The following MXRA7 variants were observed in gnomAD, a reference collection of about 807,000 sequenced individuals.
The protein encoded by MXRA7 is matrix remodeling associated 7.
MXRA7 carries 18 observed loss-of-function variants against 17.4 expected under a neutral mutation model. That is an observed-to-expected ratio of 1.03 (90% CI 0.71 to 1.53). MXRA7 has a LOEUF of 1.53. Among genes scored for constraint, MXRA7 ranks in the 40% most tolerant of loss-of-function variants. The pLI is 0.00. For missense variants in MXRA7, 141 were observed against 209.3 expected, an observed-to-expected ratio of 0.67 and a Z score of 2.01; for synonymous variants, 70 against 101.7, an observed-to-expected ratio of 0.69 and a Z score of 1.87.
rs2076711825 is a variant in MXRA7 at position 76,710,714 on chromosome 17, G to C, written c.233C>G (p.Ala78Gly). Residue 78 changes from alanine to glycine, a missense_variant, in exon 1 of 4, where the codon GCG becomes GGG. Ala to Gly is a moderately conservative substitution (Grantham distance 60). Coordinates refer to ENST00000449428, the MANE Select transcript of MXRA7 (RefSeq NM_198530.4). ...PAGPEEPGEP[A>G]GLGELGEPAG... ...AGGCTCCCCGAGCTCCCCCAGCCCCGCGGGCTCTCCAGGCTCCTCCGGCCC... is the reference window on the plus strand; with the variant it reads ...AGGCTCCCCGAGCTCCCCCAGCCCCCCGGGCTCTCCAGGCTCCTCCGGCCC... 8.4e-7 allele frequency: 1 copy of C among 1,190,804 alleles called. No individual in the cohort carries two copies. Among genetic ancestry groups the C allele is most frequent in the Non-Finnish European group, 1.1e-6 (1 of 950,754 alleles). The allele number at this position is 1,190,804 out of a possible 1,614,324, so 73.8% of individuals were successfully genotyped here.
downstream of MXRA7, chr17:76,674,731 G>C (rs1298784866): frequency 1.3e-5 from 2 of 152,274 alleles, no homozygotes; most frequent in East Asian, 3.8e-4. Context: ...CAGGGGTCTA[G>C]GCCAATCATG....
At position 76,681,175 on chromosome 17, in the gene MXRA7, T is replaced by G. The variant is rs141228477; in HGVS notation, c.501-296A>C. ...GTACTTAAGGAAGGAACTTGGGCAT[T>G]TGAGTTGCCAAGGGCCTTTCTGATC... On this transcript the variant is annotated intron_variant, in intron 3 of 3. Coordinates refer to ENST00000449428, the MANE Select transcript of MXRA7 (RefSeq NM_198530.4). The surrounding 1 kb of genome is among the most constrained non-coding windows in gnomAD (Gnocchi z 4.7). Among the ~76,000 whole-genome samples, 17 of 152,306 alleles carry G rather than the reference T, an allele frequency of 1.1e-4. No homozygotes were observed. The highest frequency in any genetic ancestry group is 2.2e-4 in the Non-Finnish European group (15 of 68,018).
At chr17:76,704,106 A>G (rs2076626288) in intron 1 of MXRA7, among the ~76,000 whole-genome samples, 1 of 151,910 alleles carries the variant, frequency 6.6e-6, no homozygotes, top group Non-Finnish European at 1.5e-5. Context: ...GTCTCCAAAA[A>G]AAGAGAAAAA....
intron 2 of MXRA7, among the ~76,000 whole-genome samples, chr17:76,685,562 A>G (rs1385128994): frequency 2.6e-5 from 4 of 152,174 alleles, no homozygotes; most frequent in African/African-American, 9.7e-5. Context: ...GGCTTGTGTC[A>G]TCCCCCCACC....
downstream of MXRA7, chr17:76,677,755 G>A (rs2076253038): frequency 7.5e-7 from 1 of 1,334,626 alleles, no homozygotes; most frequent in Non-Finnish European, 1.1e-6. Context: ...CCACTGGGGA[G>A]AGAGGGAGCC....
Position 76,706,355 on chromosome 17 carries a change from T to C in MXRA7, c.342+4250A>G, listed in dbSNP as rs1436714778. 7.4e-5 allele frequency among the ~76,000 whole-genome samples: 9 copies of C among 121,950 alleles called. 1 individual carries two copies. Among genetic ancestry groups the C allele is most frequent in the African/African-American group, 2.8e-4 (9 of 32,366 alleles). The allele number at this position is 121,950 out of a possible 152,430, so 80.0% of individuals were successfully genotyped here. A position where few individuals can be genotyped will look rare whatever the true frequency, so the allele number is the denominator to read the frequency against. On this transcript the variant is annotated intron_variant, in intron 1 of 3. Transcript: ENST00000449428. ...ACGCTGCCATCACAGAGGCCCACTCTGCCATCACAGAGGCCCACGCTGCCG... is the reference window on the plus strand; with the variant it reads ...ACGCTGCCATCACAGAGGCCCACTCCGCCATCACAGAGGCCCACGCTGCCG...
At chr17:76,688,289 C>T (rs368819571) in intron 1 of MXRA7, 113 bp from the exon 2 acceptor site, 54 of 1,521,452 alleles carry the variant, frequency 3.5e-5, no homozygotes, top group African/African-American at 1.2e-4. Flanking sequence ...AGCCTGCCCA[C>T]GCCCTGTGGC....
rs1319552567 is a variant in MXRA7, at chr17:76,688,118, T to C, written c.401A>G (p.Glu134Gly). 1 of 1,612,886 alleles carries C rather than the reference T, an allele frequency of 6.2e-7. No individual in the cohort carries two copies. Among genetic ancestry groups the C allele is most frequent in the Non-Finnish European group, 8.5e-7 (1 of 1,179,712 alleles). The change falls in exon 2 of 4, where the codon GAG (glutamate) becomes GGG (glycine). Residue 134 changes from glutamate (E) to glycine (G), a missense_variant. This residue lies in a region of MXRA7 where 67 missense variants were observed against 80.3 expected (regional missense o/e 0.83). Transcript: ENST00000449428. ...AGCGCAGAGGTCCCACTCACCGTCC[T>C]CCTCCTCAGGCCCTTCCGATGATGG... Reference protein sequence around the residue: ...KGPSSEGPEEEDGEGFSFKYS... With the variant: ...KGPSSEGPEEGDGEGFSFKYS...
chr17:76,679,421 G>A (rs2076269630), downstream of MXRA7: 1 of 174,322 alleles, frequency 5.7e-6, no homozygotes, highest in South Asian at 1.9e-4. Context: ...GACAGCCATG[G>A]TGACTGCATA....
intron 1 of MXRA7, among the ~76,000 whole-genome samples, chr17:76,703,963 G>A (rs111387200): frequency 3.8e-4 from 58 of 151,312 alleles, no homozygotes; most frequent in African/African-American, 1.3e-3. Context: ...GCCGGGCGTG[G>A]TGGTGGCCAC....
chr17:76,696,591 G>C (rs963995151), intron 1 of MXRA7, among the ~76,000 whole-genome samples: 9 of 151,746 alleles, frequency 5.9e-5, no homozygotes, highest in Non-Finnish European at 1.2e-4. Flanking sequence ...AATAAACACG[G>C]ACAAACAGAG....
At chr17:76,688,538 A>T in intron 1 of MXRA7, 1 of 1,276,476 alleles carries the variant, frequency 7.8e-7, no homozygotes, top group Non-Finnish European at 9.9e-7. Context: ...GCAAGAGGAA[A>T]GCTGGCTGGG....
rs528978496 is a variant in MXRA7, at chr17:76,706,468, A to C, written c.342+4137T>G. On this transcript the variant is annotated intron_variant, in intron 1 of 3. Coordinates refer to ENST00000449428, the MANE Select transcript of MXRA7 (RefSeq NM_198530.4). ...ATCAAAAAGGACCACACTGCCATCA[A>C]AAAGGACCACACTGCCATCAAAAAG... Among the ~76,000 whole-genome samples the C allele has an allele frequency of 4.7e-5, 7 of 149,202 alleles. No individual in the cohort carries two copies. In the South Asian group the frequency reaches 8.7e-4, roughly 19 times the overall value.
chr17:76,692,051 T>A (rs912668836), intron 1 of MXRA7, among the ~76,000 whole-genome samples: 2 of 151,856 alleles, frequency 1.3e-5, no homozygotes, highest in Non-Finnish European at 2.9e-5. Flanking sequence ...GAGAGGCTGG[T>A]ACACATTTAG....
At chr17:76,709,392 T>G (rs1230427826) in intron 1 of MXRA7, 1 of 152,274 alleles carries the variant, frequency 6.6e-6, no homozygotes, top group Non-Finnish European at 1.5e-5. Context: ...GGCCTGCCCC[T>G]GCTCCACCCC....
In MXRA7 at chr17:76,710,772, G is replaced by A. The variant is rs2076712973; in HGVS notation, c.175C>T (p.Pro59Ser). ...EATGAPAPSR[P>S]CAPEPAASPA... ...GAGGCCGCCGGCTCGGGGGCGCAGG[G>A]GCGGGACGGCGCCGGGGCCCCGGTG... The change falls in exon 1 of 4, where the codon CCC (proline) becomes TCC (serine). Residue 59 changes from proline to serine, a missense_variant. Pro to Ser is a moderately conservative substitution (Grantham distance 74). Around this residue, in one of 3 missense-constraint regions of MXRA7, gnomAD observed 72 missense variants for 111.9 expected, o/e 0.64. Coordinates refer to ENST00000449428, the MANE Select transcript of MXRA7 (RefSeq NM_198530.4). 1 of 1,019,212 alleles carries A rather than the reference G, an allele frequency of 9.8e-7. No individual in the cohort carries two copies. The highest frequency in any genetic ancestry group is 1.7e-5 in the African/African-American group (1 of 57,574). The allele number at this position is 1,019,212 out of a possible 1,614,324, so 63.1% of individuals were successfully genotyped here.
chr17:76,682,105 A>T (rs922228485), intron 3 of MXRA7, among the ~76,000 whole-genome samples: 13 of 152,210 alleles, frequency 8.5e-5, no homozygotes, highest in African/African-American at 2.7e-4. Context: ...TTCAAGGATG[A>T]GACTGACCAC....
chr17:76,683,044 G>C (rs1164557056), intron 3 of MXRA7, among the ~76,000 whole-genome samples: 1 of 152,222 alleles, frequency 6.6e-6, no homozygotes, highest in Non-Finnish European at 1.5e-5. Flanking sequence ...GTGGGTGGCA[G>C]TGGCAGTTTC....
At position 76,680,907 on chromosome 17, in the gene MXRA7, T is replaced by C. The variant is rs1417019903; in HGVS notation, c.501-28A>G. 3 of 1,559,250 alleles carry C rather than the reference T, an allele frequency of 1.9e-6. No individual in the cohort carries two copies. In the East Asian group the frequency reaches 6.8e-5, roughly 35 times the overall value. ...GTAAAGAGAAATGGGGAGAAAAAGA[T>C]AATTTATTTTACTCATTCCATCCTG... is the stretch of plus-strand genomic sequence containing the variant. On this transcript the variant is annotated intron_variant, in intron 3 of 3. Transcript: ENST00000449428.
Sources: allele counts gnomAD v4.1 joint callset (sites outside exome capture counted in the v4.1 genomes callset), GRCh38; gene constraint gnomAD v4.1.1; regional missense constraint gnomAD v4.1.1; non-coding constraint Gnocchi (gnomAD v3.1); transcripts MANE v1.5; gene names NCBI Gene and HGNC (gene_info 2026-07-23, HGNC 2026-07-21).